The following ANKRD28 variants were observed in gnomAD, a reference collection of about 807,000 sequenced individuals.
ANKRD28 encodes the protein ankyrin repeat domain 28, also known as serine/threonine-protein phosphatase 6 regulatory ankyrin repeat subunit A.
In ANKRD28, 44 loss-of-function variants were observed where a neutral mutation model predicts 126.5. That is an observed-to-expected ratio of 0.35 (90% CI 0.27 to 0.45). The LOEUF is 0.45. Among genes scored for constraint, ANKRD28 ranks in the 20% least tolerant of loss-of-function variants. ANKRD28 has a pLI of 1.00. For synonymous variants in ANKRD28, 442 were observed against 468.5 expected (o/e 0.94, Z 0.73); for missense variants, 1,110 against 1,316.6 (o/e 0.84, Z 2.43).
rs1397430268 is a variant in ANKRD28 at position 15,845,183 on chromosome 3, T to C, written c.27+14194A>G. On this transcript the variant is annotated intron_variant, in intron 1 of 27. Transcript: ENST00000399451. The surrounding 1 kb of genome is among the most constrained non-coding windows in gnomAD (Gnocchi z 4.9). ...TAGAAATGAGATTTAGGCACACAAA[T>C]CCAAACCATATCACTATTTTAAAAA... 6.6e-6 allele frequency among the ~76,000 whole-genome samples: 1 copy of C among 152,124 alleles called. No homozygotes were observed. Among genetic ancestry groups the C allele is most frequent in the African/African-American group, 2.4e-5 (1 of 41,424 alleles).
intron 14 of ANKRD28, among the ~76,000 whole-genome samples, chr3:15,702,161 A>C (rs1293300507): frequency 6.6e-6 from 1 of 152,202 alleles, no homozygotes; most frequent in Non-Finnish European, 1.5e-5. Flanking sequence ...ACTTTTCCCA[A>C]ATCCTTTTGG....
chr3:15,819,928 C>A (rs189694691), intron 1 of ANKRD28, among the ~76,000 whole-genome samples: 162 of 152,292 alleles, frequency 1.1e-3, no homozygotes, highest in African/African-American at 3.8e-3. Flanking sequence ...ATGCACTGTA[C>A]TGACCAAGCT....
intron 9 of ANKRD28, among the ~76,000 whole-genome samples, chr3:15,714,120 A>G (rs1021419008): frequency 6.6e-6 from 1 of 152,194 alleles, no homozygotes; most frequent in African/African-American, 2.4e-5. Flanking sequence ...TAATACACCT[A>G]AAAGTTCTTT....
At chr3:15,693,799 T>C (rs2069144548) in intron 17 of ANKRD28, among the ~76,000 whole-genome samples, 1 of 152,142 alleles carries the variant, frequency 6.6e-6, no homozygotes, top group South Asian at 2.1e-4. Flanking sequence ...CTTAGTTATT[T>C]AGAACATGAT....
chr3:15,704,273 G>A (rs1287647622), intron 14 of ANKRD28, among the ~76,000 whole-genome samples: 4 of 151,972 alleles, frequency 2.6e-5, no homozygotes, highest in Admixed American at 2.0e-4. Context: ...GACAATGGGG[G>A]TAACAAGCAG....
At chr3:15,719,942 C>T (rs913245914) in intron 8 of ANKRD28, among the ~76,000 whole-genome samples, 2 of 152,136 alleles carry the variant, frequency 1.3e-5, no homozygotes, top group Admixed American at 6.5e-5. Context: ...ATGATCTCAG[C>T]TCACTGCAGC....
upstream of ANKRD28, among the ~76,000 whole-genome samples, chr3:15,801,958 C>T (rs1420474616): frequency 6.6e-6 from 1 of 152,080 alleles, no homozygotes; most frequent in Non-Finnish European, 1.5e-5. This position sits in a 1 kb window ranked among gnomAD's most constrained non-coding sequence, Gnocchi z 4.9. Flanking sequence ...AATTGTTAAC[C>T]CTTCCAATAT....
chr3:15,852,005 C>A (rs1353823970), intron 1 of ANKRD28, among the ~76,000 whole-genome samples: 1 of 152,060 alleles, frequency 6.6e-6, no homozygotes, highest in East Asian at 1.9e-4. Context: ...CCAAGTGAAA[C>A]AGGAAAAGTC....
chr3:15,695,580 A>G (rs1013677245), intron 15 of ANKRD28, among the ~76,000 whole-genome samples: 2 of 152,162 alleles, frequency 1.3e-5, no homozygotes, highest in Admixed American at 1.3e-4. Flanking sequence ...AAATAAGAGC[A>G]TCTTTAACCT....
In ANKRD28 at chr3:15,856,619, C is replaced by T. The variant is rs147908310; in HGVS notation, c.27+2758G>A. The stretch of plus-strand genomic sequence containing the variant: ...TCAGTTTACAATTAAAAATCATTTT[C>T]ATCTACTCACAGTCAGAAAGCAATG... On this transcript the variant is annotated intron_variant, in intron 1 of 27. Coordinates refer to the ANKRD28 transcript ENST00000399451. 4.7e-3 allele frequency among the ~76,000 whole-genome samples: 722 copies of T among 152,274 alleles called. 3 individuals are homozygous for T. The highest frequency in any genetic ancestry group is 7.2e-3 in the Non-Finnish European group (487 of 68,012).
At chr3:15,709,173 T>C (rs142374947) in intron 13 of ANKRD28, among the ~76,000 whole-genome samples, 1 of 152,182 alleles carries the variant, frequency 6.6e-6, no homozygotes, top group Non-Finnish European at 1.5e-5. Context: ...TGTGGATATA[T>C]GTGTGTGAGA....
rs1410563213 is a variant in ANKRD28 at position 15,795,265 on chromosome 3, T to C, written c.159A>G (p.Glu53=). 1.2e-6 allele frequency: 2 copies of C among 1,612,950 alleles called. No homozygotes were observed. Among genetic ancestry groups the C allele is most frequent in the Admixed American group, 1.7e-5 (1 of 60,002 alleles). Residue 53 remains glutamate, a synonymous_variant, in exon 2 of 28, where the codon GAA becomes GAG. Transcript: ENST00000683139. The part of the protein sequence containing the change: ...VQAIFNGDPD[E]VRALIFKKED... ...CTTTCTTAAATATTAGTGCTCGAAC[T>C]TCATCAGGATCTCCGTTAAATATAG...
chr3:15,821,910 T>A (rs780931083), intron 1 of ANKRD28, among the ~76,000 whole-genome samples: 2 of 152,188 alleles, frequency 1.3e-5, no homozygotes, highest in South Asian at 2.1e-4. Context: ...AGATTCCTAG[T>A]ACTGAAGCAT....
At chr3:15,829,244 T>A (rs542847504) in intron 1 of ANKRD28, among the ~76,000 whole-genome samples, 108 of 152,234 alleles carry the variant, frequency 7.1e-4, no homozygotes, top group African/African-American at 2.0e-3. Context: ...AATTATTTTT[T>A]TAAAAAATTA....
intron 1 of ANKRD28, among the ~76,000 whole-genome samples, chr3:15,852,123 T>C (rs182534151): frequency 5.1e-4 from 78 of 152,304 alleles, no homozygotes; most frequent in Admixed American, 1.0e-3. Flanking sequence ...AAATGGATTT[T>C]GGTGGTACTT....
chr3:15,717,421 C>T (rs1464381381), intron 8 of ANKRD28, among the ~76,000 whole-genome samples: 2 of 151,616 alleles, frequency 1.3e-5, no homozygotes. Flanking sequence ...GACACGTTAG[C>T]GGGGAGAAGG....
intron 2 of ANKRD28, among the ~76,000 whole-genome samples, chr3:15,783,740 T>C (rs2059642124): frequency 6.6e-6 from 1 of 151,946 alleles, no homozygotes; most frequent in Admixed American, 6.6e-5. Flanking sequence ...AAAATAATTA[T>C]GCTGAATGAA....
intron 27 of ANKRD28, among the ~76,000 whole-genome samples, chr3:15,674,644 T>C (rs1182281745): frequency 1.3e-5 from 2 of 151,986 alleles, no homozygotes; most frequent in Non-Finnish European, 2.9e-5. Flanking sequence ...CCAAAGGAAC[T>C]GATGAGAGCA....
chr3:15,847,710 T>G (rs185620634), intron 1 of ANKRD28, among the ~76,000 whole-genome samples: 7 of 152,336 alleles, frequency 4.6e-5, no homozygotes, highest in Non-Finnish European at 7.3e-5. Flanking sequence ...ATCTCTGGAA[T>G]CCATCCCTTT....
Sources: gnomAD v4.1 joint callset for allele counts (sites outside exome capture counted in the v4.1 genomes callset) on GRCh38, gnomAD v4.1.1 for gene constraint, Gnocchi (gnomAD v3.1) non-coding constraint, MANE v1.5 for transcripts, NCBI Gene and HGNC (gene_info 2026-07-23, HGNC 2026-07-21) for gene names.